Variants in RPRD1B observed in about 807,000 individuals in gnomAD.
The protein encoded by RPRD1B is regulation of nuclear pre-mRNA domain containing 1B, also known as regulation of nuclear pre-mRNA domain-containing protein 1B.
Under a neutral mutation model 41.5 loss-of-function variants are expected in RPRD1B, and 11 were observed. That is an observed-to-expected ratio of 0.27 (90% CI 0.17 to 0.44). The LOEUF (loss-of-function observed/expected upper bound fraction) is 0.44. Among genes scored for constraint, RPRD1B ranks in the 20% least tolerant of loss-of-function variants. RPRD1B has a pLI of 1.00. For missense variants in RPRD1B, 248 were observed against 389.9 expected (o/e 0.64, Z 3.06); for synonymous variants, 158 against 155.6 (o/e 1.02, Z -0.12).
Position 38,089,758 on chromosome 20 carries a change from G to C in RPRD1B, c.864G>C (p.Gln288His), listed in dbSNP as rs780892795. The C allele has an allele frequency of 6.2e-7, 1 of 1,614,054 alleles. No individual in the cohort carries two copies. Among genetic ancestry groups the C allele is most frequent in the South Asian group, 1.1e-5 (1 of 91,080 alleles). Reference sequence around the variant, plus strand: ...AACAGAAGCTTGCACGAGTAACCCAGGTCCGCAAGGAACTGAAATCCCATA... The same window carrying C: ...AACAGAAGCTTGCACGAGTAACCCACGTCCGCAAGGAACTGAAATCCCATA... ...EYKQKLARVT[Q>H]VRKELKSHIQ... Residue 288 changes from glutamine (Q) to histidine (H), a missense_variant, in exon 7 of 7, where the codon CAG becomes CAC. Gln to His is a conservative substitution (Grantham distance 24, BLOSUM62 0). This residue lies in a region of RPRD1B where 93 missense variants were observed against 167.2 expected (regional missense o/e 0.56). Coordinates refer to ENST00000373433, the MANE Select transcript of RPRD1B (RefSeq NM_021215.4).
At chr20:38,085,486 C>A (rs1210282162) in intron 6 of RPRD1B, 1 of 152,130 alleles carries the variant, frequency 6.6e-6, no homozygotes, top group East Asian at 1.9e-4. Flanking sequence ...GGATGCAGCA[C>A]ACTTAGACAA....
intron 6 of RPRD1B, among the ~76,000 whole-genome samples, chr20:38,066,680 C>G (rs777599205): frequency 6.6e-6 from 1 of 151,876 alleles, no homozygotes; most frequent in African/African-American, 2.4e-5. Context: ...TTTTGAGACG[C>G]AGTCTCGCTC....
rs1272840869 is a variant in RPRD1B, at chr20:38,090,647, CAG to C, written c.*774_*775del. ...CACTGTCGGAGCACGTTCCGAAAAA[CAG>C]AATGCCTTGATCCCTGGTGGGTGCG... On this transcript the variant is annotated 3_prime_UTR_variant, in exon 7 of 7. Transcript: ENST00000373433. 3 of 985,370 alleles carry C rather than the reference CAG, an allele frequency of 3.0e-6. No individual in the cohort carries two copies. The highest frequency in any genetic ancestry group is 1.2e-4 in the Admixed American group (2 of 16,276). The allele number at this position is 985,370 out of a possible 1,614,324, so 61.0% of individuals were successfully genotyped here.
chr20:38,062,216 C>A (rs1454291791), intron 5 of RPRD1B, among the ~76,000 whole-genome samples: 1 of 152,138 alleles, frequency 6.6e-6, no homozygotes, highest in Admixed American at 6.5e-5. Context: ...TCTAGCTTTC[C>A]TCCTCTCTTT....
chr20:38,092,323 C>T lies in RPRD1B; in HGVS notation c.*2448C>T, dbSNP rs2074617835. 1.0e-6 allele frequency: 1 copy of T among 984,350 alleles called. No homozygotes were observed. The highest frequency in any genetic ancestry group is 1.2e-6 in the Non-Finnish European group (1 of 828,732). 61.0% of individuals were successfully genotyped at this position (984,350 alleles called of 1,614,324 possible). A position where few individuals can be genotyped will look rare whatever the true frequency, so the allele number is the denominator to read the frequency against. On this transcript the variant is annotated 3_prime_UTR_variant, in exon 7 of 7. Transcript: ENST00000373433. ...GGCAGCAGTATATTCTGAAATGTCTCATAGATATATATTTTTGAATAAAGA... is the reference window on the plus strand; with the variant it reads ...GGCAGCAGTATATTCTGAAATGTCTTATAGATATATATTTTTGAATAAAGA...
At chr20:38,048,267 C>T (rs1457701694) in intron 2 of RPRD1B, 81 bp from the exon 3 acceptor site, 10 of 1,209,894 alleles carry the variant, frequency 8.3e-6, no homozygotes, top group South Asian at 1.8e-5. Flanking sequence ...TTGTTGATTT[C>T]TTTTTTTTTT....
At chr20:38,045,765 C>T (rs1213070589) in intron 2 of RPRD1B, among the ~76,000 whole-genome samples, 6 of 152,172 alleles carry the variant, frequency 3.9e-5, no homozygotes, top group Non-Finnish European at 7.4e-5. Flanking sequence ...TTCTTTTAAG[C>T]GAACAGAGAA....
chr20:38,090,013 C>T lies in RPRD1B; in HGVS notation c.*138C>T. 1 of 1,446,802 alleles carries T rather than the reference C, an allele frequency of 6.9e-7. No individual in the cohort carries two copies. Among genetic ancestry groups the T allele is most frequent in the Admixed American group, 2.8e-5 (1 of 36,270 alleles). 89.6% of individuals were successfully genotyped at this position (1,446,802 alleles called of 1,614,324 possible). A position where few individuals can be genotyped will look rare whatever the true frequency, so the allele number is the denominator to read the frequency against. On this transcript the variant is annotated 3_prime_UTR_variant, in exon 7 of 7. Transcript: ENST00000373433. Reference sequence around the variant, plus strand: ...CAGCCTCAAGAAAGAACCTCAGACTCTGATTCTCCTCTTCAGCCTCTCATC... The same window carrying T: ...CAGCCTCAAGAAAGAACCTCAGACTTTGATTCTCCTCTTCAGCCTCTCATC...
At chr20:38,058,408 CTT>C (rs34517024) in intron 4 of RPRD1B, among the ~76,000 whole-genome samples, 36,662 of 152,034 alleles carry the variant, frequency 0.24, 5,326 homozygotes, top group Non-Finnish European at 0.32. Context: ...GGTCATATAT[CTT>C]TGGATTTAAA....
chr20:38,082,932 T>A (rs1411861851), intron 6 of RPRD1B, among the ~76,000 whole-genome samples: 2 of 152,220 alleles, frequency 1.3e-5, no homozygotes, highest in Admixed American at 1.3e-4. Flanking sequence ...CTTAAAAGAA[T>A]TTTACATGAT....
chr20:38,087,469 A>G (rs1234519740), intron 6 of RPRD1B, among the ~76,000 whole-genome samples: 1 of 152,156 alleles, frequency 6.6e-6, no homozygotes, highest in Non-Finnish European at 1.5e-5. Context: ...GACTCCTTCA[A>G]CTGAAGGGCT....
At position 38,033,815 on chromosome 20, in the gene RPRD1B, CGCACCCCTG is replaced by C. The variant is rs2073958653; in HGVS notation, c.-129_-121del. The C allele has an allele frequency of 2.2e-6, 2 of 894,244 alleles. No homozygotes were observed. Among genetic ancestry groups the C allele is most frequent in the Non-Finnish European group, 3.3e-6 (2 of 609,942 alleles). 55.4% of individuals were successfully genotyped at this position (894,244 alleles called of 1,614,324 possible). On this transcript the variant is annotated 5_prime_UTR_variant, in exon 1 of 7. Transcript: ENST00000373433. The stretch of plus-strand genomic sequence containing the variant: ...CGGAGACCCATCCCCTCCCCCTTCT[CGCACCCCTG>C]GCAGTCTGTCAGTCGGTAAAAAGTC...
At chr20:38,034,797 T>C (rs932557150) in intron 1 of RPRD1B, among the ~76,000 whole-genome samples, 2 of 152,232 alleles carry the variant, frequency 1.3e-5, no homozygotes, top group Admixed American at 1.3e-4. Context: ...AGACAATTCA[T>C]TGAACTCATT....
intron 4 of RPRD1B, among the ~76,000 whole-genome samples, chr20:38,058,964 T>C (rs965573112): frequency 6.6e-6 from 1 of 152,196 alleles, no homozygotes; most frequent in African/African-American, 2.4e-5. Flanking sequence ...TCCTCCTGCC[T>C]TGGCTTCCCA....
At chr20:38,043,052 G>A (rs1353911473) in intron 2 of RPRD1B, among the ~76,000 whole-genome samples, 4 of 152,188 alleles carry the variant, frequency 2.6e-5, no homozygotes, top group Non-Finnish European at 5.9e-5. Context: ...TATGTGCCAA[G>A]TATGGATCCA....
intron 2 of RPRD1B, among the ~76,000 whole-genome samples, chr20:38,045,401 A>G (rs1220305207): frequency 6.6e-6 from 1 of 152,214 alleles, no homozygotes; most frequent in African/African-American, 2.4e-5. Flanking sequence ...TTCAAAACCT[A>G]ATCAGTAGAA....
At chr20:38,039,130 C>G (rs1157121684) in intron 1 of RPRD1B, among the ~76,000 whole-genome samples, 1 of 152,126 alleles carries the variant, frequency 6.6e-6, no homozygotes, top group Non-Finnish European at 1.5e-5. Flanking sequence ...AGACATATTG[C>G]ACGAGGTTTT....
intron 4 of RPRD1B, 46 bp downstream of exon 4, chr20:38,057,690 C>A (rs757585076): frequency 1.5e-6 from 2 of 1,354,232 alleles, no homozygotes; most frequent in African/African-American, 1.4e-5. Context: ...CTTAAAGTGA[C>A]CTCTAGTTGA....
At chr20:38,058,275 T>G (rs965563158) in intron 4 of RPRD1B, among the ~76,000 whole-genome samples, 8 of 152,174 alleles carry the variant, frequency 5.3e-5, no homozygotes, top group African/African-American at 1.9e-4. Flanking sequence ...CTTCATCTTA[T>G]TTTGCCTAAA....
Sources: allele counts gnomAD v4.1 joint callset (sites outside exome capture counted in the v4.1 genomes callset), GRCh38; gene constraint gnomAD v4.1.1; regional missense constraint gnomAD v4.1.1; transcripts MANE v1.5; gene names NCBI Gene and HGNC (gene_info 2026-07-23, HGNC 2026-07-21).